CDH13: variants seen among roughly 807,000 people sequenced by gnomAD.
CDH13 encodes cadherin 13.
Under a neutral mutation model 63.8 loss-of-function variants are expected in CDH13, and 24 were observed. That is an observed-to-expected ratio of 0.38 (90% confidence interval 0.27 to 0.53). The LOEUF is 0.53. CDH13 is among the 20% of genes least tolerant of loss of function. CDH13 has a pLI of 0.85. For synonymous variants in CDH13, 503 were observed against 355.3 expected (o/e 1.42, Z -4.67); for missense variants, 1,049 against 903.1 (o/e 1.16, Z -2.07).
chr16:83,794,641 A>ATT (rs977182001), intron 13 of CDH13, among the ~76,000 whole-genome samples: 3 of 152,056 alleles, frequency 2.0e-5, no homozygotes, highest in African/African-American at 7.2e-5. Flanking sequence ...ATATATATAT[A>ATT]TAGTCACAGG....
At chr16:83,709,448 G>A (rs553680867) in intron 10 of CDH13, among the ~76,000 whole-genome samples, 2 of 152,288 alleles carry the variant, frequency 1.3e-5, no homozygotes, top group East Asian at 3.9e-4. Flanking sequence ...CACACCCCAA[G>A]TTTTCCACTC....
intron 10 of CDH13, among the ~76,000 whole-genome samples, chr16:83,688,702 C>T (rs1904552369): frequency 6.6e-6 from 1 of 152,094 alleles, no homozygotes; most frequent in East Asian, 1.9e-4. Flanking sequence ...ACAGTGGTGT[C>T]TTTGTAATTT....
At chr16:82,652,049 C>T (rs1039213043) in intron 1 of CDH13, among the ~76,000 whole-genome samples, 8 of 152,344 alleles carry the variant, frequency 5.3e-5, no homozygotes, top group South Asian at 2.1e-4. Flanking sequence ...CTTGCTCGGC[C>T]AACCTATTGT....
In CDH13 at chr16:83,316,559, A is replaced by C. The variant is rs552072967; in HGVS notation, c.637-28303A>C. 1.3e-4 allele frequency among the ~76,000 whole-genome samples: 20 copies of C among 152,182 alleles called. No homozygotes were observed. The South Asian group carries it at 3.7e-3, about 28-fold the overall frequency. ...GGATGCAGTCACAGATGTGCTAGGG[A>C]ATGTGGTCTAGGGAGCACAGTAGTG... On this transcript the variant is annotated intron_variant, in intron 5 of 13. Coordinates refer to ENST00000567109, the MANE Select transcript of CDH13 (RefSeq NM_001257.5).
chr16:83,138,344 C>G (rs529878021), intron 4 of CDH13, among the ~76,000 whole-genome samples: 2 of 151,908 alleles, frequency 1.3e-5, no homozygotes, highest in African/African-American at 4.8e-5. Flanking sequence ...TGTAAACAGG[C>G]AGACAAGCGC....
intron 10 of CDH13, among the ~76,000 whole-genome samples, chr16:83,681,528 C>G (rs1386837102): frequency 1.3e-5 from 2 of 152,212 alleles, no homozygotes; most frequent in Admixed American, 6.5e-5. Flanking sequence ...CAGCCTGGCA[C>G]TGGCTGGACA....
At chr16:82,695,934 A>G (rs370402797) in intron 1 of CDH13, among the ~76,000 whole-genome samples, 134 of 151,926 alleles carry the variant, frequency 8.8e-4, no homozygotes, top group African/African-American at 3.2e-3. Flanking sequence ...TCTCAAATCT[A>G]CTAGCCTGCC....
chr16:83,351,280 CTTT>C lies in CDH13; in HGVS notation c.781+6288_781+6290del, dbSNP rs5818442. ...TGGAATATCAGGCATGTGGCTATTT[CTTT>C]TTTTTTTTTTTTTCCTTAGGTAGAT... On this transcript the variant is annotated intron_variant, in intron 6 of 13. Transcript: ENST00000567109. 8.0e-4 allele frequency among the ~76,000 whole-genome samples: 108 copies of C among 135,040 alleles called. 2 individuals carry two copies. In the South Asian group the frequency reaches 0.022, roughly 27 times the overall value. The allele number at this position is 135,040 out of a possible 152,430, so 88.6% of individuals were successfully genotyped here.
rs143784856 is a variant in CDH13 at position 83,565,170 on chromosome 16, C to A, written c.961-37284C>A. Among the ~76,000 whole-genome samples, 17 of 152,174 alleles carry A rather than the reference C, an allele frequency of 1.1e-4. No homozygotes were observed. In the East Asian group the frequency reaches 3.3e-3, roughly 29 times the overall value. On this transcript the variant is annotated intron_variant, in intron 7 of 13. Transcript: ENST00000567109. ...CCAGTGATCCTTTTCAGACTCTTGTCCTCTAGAAAAGCAATTCAGATCTCG... is the reference window on the plus strand; with the variant it reads ...CCAGTGATCCTTTTCAGACTCTTGTACTCTAGAAAAGCAATTCAGATCTCG...
intron 12 of CDH13, among the ~76,000 whole-genome samples, chr16:83,781,769 T>C (rs1471578018): frequency 5.3e-5 from 8 of 151,000 alleles, no homozygotes. Context: ...AGTTTCTTTT[T>C]TGGGGGCGTG....
intron 1 of CDH13, among the ~76,000 whole-genome samples, chr16:82,811,535 G>C (rs1407072940): frequency 6.6e-6 from 1 of 152,128 alleles, no homozygotes; most frequent in Admixed American, 6.5e-5. Flanking sequence ...TACATTCATA[G>C]TTGAAGAACC....
At chr16:82,927,046 G>T (rs149213070) in intron 2 of CDH13, among the ~76,000 whole-genome samples, 1 of 152,120 alleles carries the variant, frequency 6.6e-6, no homozygotes, top group African/African-American at 2.4e-5. Flanking sequence ...CTGGAGGTTG[G>T]GCTCCTTTAT....
intron 9 of CDH13, among the ~76,000 whole-genome samples, chr16:83,672,445 A>G (rs1179629722): frequency 1.1e-4 from 3 of 27,642 alleles, no homozygotes; most frequent in Admixed American, 6.3e-4. Context: ...TTTTTTTTTG[A>G]GACAGAGTCT....
At chr16:83,178,885 A>G (rs1287011289) in intron 4 of CDH13, among the ~76,000 whole-genome samples, 2 of 152,146 alleles carry the variant, frequency 1.3e-5, no homozygotes, top group African/African-American at 4.8e-5. Context: ...ACTCTCCCCT[A>G]ACTTATTAAA....
In CDH13 at chr16:83,651,093, C is replaced by A. The variant is rs570228767; in HGVS notation, c.1102-19697C>A. Among the ~76,000 whole-genome samples, 3 of 152,032 alleles carry A rather than the reference C, an allele frequency of 2.0e-5. No individual in the cohort carries two copies. In the East Asian group the frequency reaches 5.8e-4, roughly 29 times the overall value. On this transcript the variant is annotated intron_variant, in intron 8 of 13. Coordinates refer to ENST00000567109, the MANE Select transcript of CDH13 (RefSeq NM_001257.5). Reference sequence around the variant, plus strand: ...TCCAGCCTGGGCAACAAAGCAAGAGCCTGTCTCAAAAAATAATAAAATAAA... The same window carrying A: ...TCCAGCCTGGGCAACAAAGCAAGAGACTGTCTCAAAAAATAATAAAATAAA...
chr16:83,532,759 C>G (rs1028956528), intron 7 of CDH13, among the ~76,000 whole-genome samples: 1 of 152,180 alleles, frequency 6.6e-6, no homozygotes, highest in Non-Finnish European at 1.5e-5. Flanking sequence ...CGGACTTGAG[C>G]GATCCTCTCC....
intron 8 of CDH13, among the ~76,000 whole-genome samples, chr16:83,617,782 T>G (rs1434812422): frequency 6.6e-6 from 1 of 151,940 alleles, no homozygotes; most frequent in African/African-American, 2.4e-5. Context: ...TATTCTAATA[T>G]GCACATATCT....
At chr16:83,262,569 C>T (rs1379338130) in intron 5 of CDH13, among the ~76,000 whole-genome samples, 2 of 152,130 alleles carry the variant, frequency 1.3e-5, no homozygotes, top group Non-Finnish European at 2.9e-5. Context: ...TTGCTGGAGA[C>T]CCTAGAGAAT....
intron 2 of CDH13, among the ~76,000 whole-genome samples, chr16:82,890,479 C>T (rs574718980): frequency 6.6e-6 from 1 of 152,202 alleles, no homozygotes; most frequent in South Asian, 2.1e-4. Context: ...CAGGCTTCTC[C>T]AGAATCTCAT....
Sources: allele counts gnomAD v4.1 joint callset (sites outside exome capture counted in the v4.1 genomes callset), GRCh38; gene constraint gnomAD v4.1.1; transcripts MANE v1.5; gene names NCBI Gene and HGNC (gene_info 2026-07-23, HGNC 2026-07-21).